STXBP5L: variants seen among roughly 807,000 people sequenced by gnomAD.
The protein encoded by STXBP5L is syntaxin binding protein 5L.
A neutral mutation model predicts 144.5 loss-of-function variants in STXBP5L; 65 were observed. That is an observed-to-expected ratio of 0.45 (90% CI 0.37 to 0.55). The LOEUF is 0.55. Ranked by LOEUF, STXBP5L falls within the 20% of genes least tolerant of loss-of-function variation. The pLI, the probability that STXBP5L is intolerant of heterozygous loss-of-function variation, is 0.00. For missense variants in STXBP5L, 1,298 were observed against 1,405.5 expected (o/e 0.92, Z 1.22); for synonymous variants, 505 against 469.6 (o/e 1.08, Z -0.97).
At chr3:121,094,637 C>T (rs1203103448) in intron 5 of STXBP5L, among the ~76,000 whole-genome samples, 1 of 152,078 alleles carries the variant, frequency 6.6e-6, no homozygotes, top group East Asian at 1.9e-4. Context: ...AGATCTTCCT[C>T]CATCCTTTTA....
At chr3:121,381,219 A>G in intron 21 of STXBP5L, 74 bp from the exon 22 acceptor site, 1 of 1,398,816 alleles carries the variant, frequency 7.1e-7, no homozygotes, top group Non-Finnish European at 9.7e-7. Flanking sequence ...ATTTTGATTT[A>G]TATATATTAA....
At chr3:121,407,639 A>G in intron 23 of STXBP5L, 36 bp downstream of exon 23, 1 of 1,611,348 alleles carries the variant, frequency 6.2e-7, no homozygotes, top group Non-Finnish European at 8.5e-7. Context: ...GGTAATCACA[A>G]CAATACCAGC....
chr3:121,233,918 G>A (rs1389391089), intron 12 of STXBP5L, among the ~76,000 whole-genome samples: 2 of 152,118 alleles, frequency 1.3e-5, no homozygotes, highest in African/African-American at 4.8e-5. Context: ...AAGCATTGGA[G>A]ACTCAGGACA....
intron 19 of STXBP5L, among the ~76,000 whole-genome samples, chr3:121,304,388 A>G (rs1223355109): frequency 6.6e-6 from 1 of 152,190 alleles, no homozygotes; most frequent in African/African-American, 2.4e-5. Flanking sequence ...TGATCTAATA[A>G]CATACACACC....
intron 4 of STXBP5L, among the ~76,000 whole-genome samples, chr3:121,042,370 G>T (rs764242666): frequency 3.9e-5 from 6 of 152,138 alleles, no homozygotes; most frequent in Non-Finnish European, 7.4e-5. Flanking sequence ...CAGAGAGGTT[G>T]CAGATATTCC....
intron 3 of STXBP5L, among the ~76,000 whole-genome samples, chr3:121,032,052 A>AT (rs1946408449): frequency 2.0e-5 from 3 of 152,216 alleles, no homozygotes; most frequent in African/African-American, 7.2e-5. Flanking sequence ...ATTTAGATAC[A>AT]TTTTCTGAAA....
chr3:121,175,865 A>C (rs1304183663), intron 9 of STXBP5L, among the ~76,000 whole-genome samples: 2 of 152,028 alleles, frequency 1.3e-5, no homozygotes, highest in African/African-American at 2.4e-5. Flanking sequence ...AGTAAAAAAA[A>C]AAAAGATATA....
At chr3:121,048,044 G>A (rs1560053237) in intron 5 of STXBP5L, among the ~76,000 whole-genome samples, 1 of 152,012 alleles carries the variant, frequency 6.6e-6, no homozygotes, top group Non-Finnish European at 1.5e-5. Context: ...CAGGTCTGGT[G>A]GTCATAAATT....
chr3:120,963,232 T>C (rs1939090917), intron 3 of STXBP5L, among the ~76,000 whole-genome samples: 1 of 152,214 alleles, frequency 6.6e-6, no homozygotes, highest in Non-Finnish European at 1.5e-5. Flanking sequence ...CAGGGACAAT[T>C]TGACTTCCTC....
intron 20 of STXBP5L, among the ~76,000 whole-genome samples, chr3:121,342,629 G>A: frequency 6.6e-6 from 1 of 151,776 alleles, no homozygotes; most frequent in Non-Finnish European, 1.5e-5. Context: ...AGTTTACTGA[G>A]AATGATGCTT....
chr3:121,208,923 C>G (rs1004878078), intron 10 of STXBP5L, among the ~76,000 whole-genome samples: 2 of 152,082 alleles, frequency 1.3e-5, no homozygotes, highest in Non-Finnish European at 2.9e-5. Context: ...TCCCAACCCC[C>G]ACAACCCCCA....
intron 5 of STXBP5L, among the ~76,000 whole-genome samples, chr3:121,058,603 G>T (rs554150701): frequency 7.9e-5 from 12 of 152,326 alleles, no homozygotes; most frequent in African/African-American, 2.6e-4. Context: ...CAGTGTAAAA[G>T]TGTTCCTATT....
At chr3:121,356,077 G>A (rs1208823916) in intron 20 of STXBP5L, among the ~76,000 whole-genome samples, 1 of 152,142 alleles carries the variant, frequency 6.6e-6, no homozygotes, top group Non-Finnish European at 1.5e-5. Context: ...CGCCCCACAG[G>A]GGCACCCACT....
intron 3 of STXBP5L, among the ~76,000 whole-genome samples, chr3:121,011,888 T>G (rs1282299460): frequency 1.3e-5 from 2 of 151,888 alleles, no homozygotes; most frequent in African/African-American, 4.8e-5. Flanking sequence ...GGTTGTGCAA[T>G]AATTACTACA....
At chr3:121,185,118 A>C (rs1456472046) in intron 9 of STXBP5L, among the ~76,000 whole-genome samples, 1 of 152,202 alleles carries the variant, frequency 6.6e-6, no homozygotes, top group Non-Finnish European at 1.5e-5. Context: ...CCAGATTTTA[A>C]AGACCATCGA....
chr3:121,138,682 A>G (rs2045364708), intron 7 of STXBP5L, among the ~76,000 whole-genome samples: 2 of 152,070 alleles, frequency 1.3e-5, no homozygotes, highest in South Asian at 4.1e-4. Context: ...TTAATAAATA[A>G]TATTGGGAAA....
At chr3:120,932,819 T>C (rs1710017702) in intron 2 of STXBP5L, among the ~76,000 whole-genome samples, 1 of 151,952 alleles carries the variant, frequency 6.6e-6, no homozygotes, top group South Asian at 2.1e-4. Context: ...AATGATAGGC[T>C]GGATTAAGAA....
chr3:121,270,713 A>C (rs2050710646), intron 18 of STXBP5L, among the ~76,000 whole-genome samples: 1 of 152,158 alleles, frequency 6.6e-6, no homozygotes, highest in Non-Finnish European at 1.5e-5. Flanking sequence ...TAGGCCTCCC[A>C]AAGTGCTGAG....
At chr3:121,322,690 G>T (rs1275678453) in intron 20 of STXBP5L, among the ~76,000 whole-genome samples, 2 of 151,292 alleles carry the variant, frequency 1.3e-5, no homozygotes, top group Non-Finnish European at 2.9e-5. Context: ...TGGGGTGGGG[G>T]GTTGAGGGGG....
Sources: gnomAD v4.1 joint callset for allele counts (sites outside exome capture counted in the v4.1 genomes callset) on GRCh38, gnomAD v4.1.1 for gene constraint, MANE v1.5 for transcripts, NCBI Gene and HGNC (gene_info 2026-07-23, HGNC 2026-07-21) for gene names.